Variants in RERE observed in about 807,000 individuals in gnomAD.
RERE encodes arginine-glutamic acid dipeptide repeats, also known as arginine-glutamic acid dipeptide repeats protein.
Under a neutral mutation model 146.1 loss-of-function variants are expected in RERE, and 40 were observed. The ratio of observed to expected loss-of-function variants is 0.27; its 90% CI spans 0.21 to 0.36. The LOEUF (loss-of-function observed/expected upper bound fraction) is 0.36, where lower values mean the gene tolerates loss of function less well. RERE is among the 10% of genes least tolerant of loss of function. The pLI is 1.00. For missense variants in RERE, 1,933 were observed against 2,138.7 expected, an observed-to-expected ratio of 0.90 and a Z score of 1.90; for synonymous variants, 1,003 against 866.0, an observed-to-expected ratio of 1.16 and a Z score of -2.78.
At chr1:8,742,657 C>T (rs1381897690) in intron 1 of RERE, among the ~76,000 whole-genome samples, 2 of 152,028 alleles carry the variant, frequency 1.3e-5, no homozygotes, top group African/African-American at 4.8e-5. Context: ...CCTGTCTCTA[C>T]AAAACTTACA....
At chr1:8,387,917 G>A (rs1642738988) in intron 12 of RERE, among the ~76,000 whole-genome samples, 1 of 152,182 alleles carries the variant, frequency 6.6e-6, no homozygotes, top group Non-Finnish European at 1.5e-5. Context: ...ATACCCTAAA[G>A]AATTCGTGTG....
chr1:8,523,325 G>A (rs193198134), intron 7 of RERE, among the ~76,000 whole-genome samples: 22 of 152,332 alleles, frequency 1.4e-4, no homozygotes, highest in Non-Finnish European at 2.8e-4. Flanking sequence ...CCTCAGATTC[G>A]AATTCGAGAT....
chr1:8,714,143 G>C (rs1380594392), intron 1 of RERE, among the ~76,000 whole-genome samples: 1 of 152,146 alleles, frequency 6.6e-6, no homozygotes, highest in Non-Finnish European at 1.5e-5. Context: ...GATAGTTATA[G>C]CTATCTTTAA....
intron 2 of RERE, among the ~76,000 whole-genome samples, chr1:8,636,346 C>T (rs936168715): frequency 6.6e-6 from 1 of 152,052 alleles, no homozygotes; most frequent in Non-Finnish European, 1.5e-5. Context: ...GGACTGCTAG[C>T]TGGGCCCAAT....
chr1:8,378,288 C>A (rs1037817874), intron 12 of RERE, among the ~76,000 whole-genome samples: 3 of 152,210 alleles, frequency 2.0e-5, no homozygotes, highest in Admixed American at 6.5e-5. Context: ...GCCTGCAAAC[C>A]AGGCCCTGGC....
chr1:8,509,343 C>A (rs1343834830), intron 7 of RERE, among the ~76,000 whole-genome samples: 1 of 152,072 alleles, frequency 6.6e-6, no homozygotes, highest in African/African-American at 2.4e-5. Context: ...TCAGGGTGCC[C>A]TACCATAAGC....
In RERE at chr1:8,394,758, C is replaced by T. The variant is rs1391320787; in HGVS notation, c.1284+27969G>A. 5.3e-5 allele frequency among the ~76,000 whole-genome samples: 8 copies of T among 152,228 alleles called. 1 individual carries two copies. The highest frequency in any genetic ancestry group is 2.1e-4 in the South Asian group (1 of 4,830). On this transcript the variant is annotated intron_variant, in intron 12 of 22. Coordinates refer to ENST00000400908, the MANE Select transcript of RERE (RefSeq NM_001042681.2). Reference sequence around the variant, plus strand: ...ACCCCAAGGAAATAAGAAAAAAATACGTTAACTTGCTCTGTAAACCATAAA... The same window carrying T: ...ACCCCAAGGAAATAAGAAAAAAATATGTTAACTTGCTCTGTAAACCATAAA...
At chr1:8,494,965 C>CA in intron 10 of RERE, 98 bp downstream of exon 10, 1 of 867,858 alleles carries the variant, frequency 1.2e-6, no homozygotes. Flanking sequence ...CCTGAGTCTA[C>CA]AGGCGACTTC....
At chr1:8,711,639 T>G (rs953868403) in intron 1 of RERE, among the ~76,000 whole-genome samples, 6 of 152,168 alleles carry the variant, frequency 3.9e-5, no homozygotes, top group Non-Finnish European at 7.4e-5. Flanking sequence ...AAGAAAGAGC[T>G]CAGGGATGCA....
rs1186832596 is a variant in RERE at position 8,805,008 on chromosome 1, G to GTTTTTTTTTTTTTTTTTT, written c.-145+12134_-145+12151dup. Among the ~76,000 whole-genome samples the GTTTTTTTTTTTTTTTTTT allele has an allele frequency of 2.6e-5, 2 of 77,836 alleles. 1 individual carries two copies. The allele number at this position is 77,836 out of a possible 152,430, so 51.1% of individuals were successfully genotyped here. A position where few individuals can be genotyped will look rare whatever the true frequency, so the allele number is the denominator to read the frequency against. ...TTTTTTTTGTTTTGTTTTGTTTTTG[G>GTTTTTTTTTTTTTTTTTT]TTTTTTTTTTTTTTTTTTTTGAGAC... On this transcript the variant is annotated intron_variant, in intron 1 of 22. Coordinates refer to ENST00000400908, the MANE Select transcript of RERE (RefSeq NM_001042681.2).
At chr1:8,472,317 T>C (rs913230972) in intron 10 of RERE, among the ~76,000 whole-genome samples, 1 of 152,154 alleles carries the variant, frequency 6.6e-6, no homozygotes, top group Non-Finnish European at 1.5e-5. Flanking sequence ...GTGAAAAACA[T>C]TACGTAGATT....
Position 8,361,107 on chromosome 1 carries a change from G to A in RERE, c.2400C>T (p.Ile800=), listed in dbSNP as rs1362425664. The change falls in exon 18 of 23, where the codon ATC becomes ATT. Residue 800 remains isoleucine (I), a synonymous_variant. Coordinates refer to ENST00000400908, the MANE Select transcript of RERE (RefSeq NM_001042681.2). ...APTAPVPHTH[I]QQAPALHPQR... The stretch of plus-strand genomic sequence containing the variant: ...GGGGGTGCAAGGCCGGTGCCTGTTG[G>A]ATGTGGGTGTGGGGAACAGGCGCTG... 6.9e-7 allele frequency: 1 copy of A among 1,442,012 alleles called. No individual in the cohort carries two copies. The highest frequency in any genetic ancestry group is 9.1e-7 in the Non-Finnish European group (1 of 1,102,008). 89.3% of individuals were successfully genotyped at this position (1,442,012 alleles called of 1,614,324 possible).
intron 1 of RERE, among the ~76,000 whole-genome samples, chr1:8,680,294 C>A (rs1424278603): frequency 1.3e-5 from 2 of 152,192 alleles, no homozygotes; most frequent in African/African-American, 4.8e-5. Flanking sequence ...CTTCTGCCCT[C>A]TGAGTCCAGG....
At chr1:8,802,039 G>A (rs1231439364) in intron 1 of RERE, among the ~76,000 whole-genome samples, 1 of 152,188 alleles carries the variant, frequency 6.6e-6, no homozygotes, top group African/African-American at 2.4e-5. Context: ...AAAATGTCTG[G>A]AGGAATACTG....
At chr1:8,419,693 T>C (rs1643868152) in intron 12 of RERE, among the ~76,000 whole-genome samples, 1 of 152,188 alleles carries the variant, frequency 6.6e-6, no homozygotes, top group South Asian at 2.1e-4. Context: ...CATTATCTCA[T>C]TTAAATTCTC....
chr1:8,386,423 T>A (rs1420645895), intron 12 of RERE, among the ~76,000 whole-genome samples: 2 of 150,904 alleles, frequency 1.3e-5, no homozygotes, highest in African/African-American at 2.4e-5. Flanking sequence ...CCCTGTCTCA[T>A]AAAGACAGTA....
chr1:8,587,784 A>T (rs1161428499), intron 4 of RERE, among the ~76,000 whole-genome samples: 1 of 152,162 alleles, frequency 6.6e-6, no homozygotes, highest in Non-Finnish European at 1.5e-5. Flanking sequence ...TTCTGCCTCT[A>T]TTCTTTGTCT....
intron 11 of RERE, among the ~76,000 whole-genome samples, chr1:8,441,749 A>G (rs1644251679): frequency 6.6e-6 from 1 of 152,188 alleles, no homozygotes; most frequent in African/African-American, 2.4e-5. Context: ...CTGGGCACTT[A>G]CGTGTTTAAA....
intron 1 of RERE, among the ~76,000 whole-genome samples, chr1:8,735,672 C>T (rs750411640): frequency 3.9e-5 from 6 of 152,042 alleles, no homozygotes; most frequent in Non-Finnish European, 8.8e-5. Context: ...GATTGGATCA[C>T]GGGGCGGTTT....
Sources: gnomAD v4.1 joint callset for allele counts (sites outside exome capture counted in the v4.1 genomes callset) on GRCh38, gnomAD v4.1.1 for gene constraint, MANE v1.5 for transcripts, NCBI Gene and HGNC (gene_info 2026-07-23, HGNC 2026-07-21) for gene names.